TASOR: variants seen among roughly 807,000 people sequenced by gnomAD.
The protein encoded by TASOR is protein TASOR.
Under a neutral mutation model 178.6 loss-of-function variants are expected in TASOR, and 53 were observed. That is an observed-to-expected ratio of 0.30 (90% CI 0.24 to 0.37). TASOR has a LOEUF of 0.37. Ranked by LOEUF, TASOR falls within the 10% of genes least tolerant of loss-of-function variation. TASOR has a pLI of 1.00. For synonymous variants in TASOR, 713 were observed against 696.2 expected (o/e 1.02, Z -0.38); for missense variants, 1,815 against 1,971.4 (o/e 0.92, Z 1.50).
chr3:56,675,447 G>C (rs9840528), intron 1 of TASOR, among the ~76,000 whole-genome samples: 1 of 151,418 alleles, frequency 6.6e-6, no homozygotes, highest in East Asian at 1.9e-4. Context: ...AAAGTGCTGG[G>C]ATTACGGGCA....
chr3:56,646,526 A>G lies in TASOR; in HGVS notation c.2211T>C (p.Tyr737=). ...TSNLSENCHL[Y]EESPQPIGSL... ...AAGAGCAATCTGATATTTTACCTTC[A>G]TACAGATGGCAATTTTCAGATAAAT... Residue 737 remains tyrosine, a synonymous_variant, in exon 14 of 24, where the codon TAT becomes TAC. Coordinates refer to ENST00000683822, the MANE Select transcript of TASOR (RefSeq NM_001365635.2). 1 of 1,599,810 alleles carries G rather than the reference A, an allele frequency of 6.3e-7. No homozygotes were observed. The highest frequency in any genetic ancestry group is 1.1e-5 in the South Asian group (1 of 87,994).
intron 1 of TASOR, among the ~76,000 whole-genome samples, chr3:56,674,484 G>A (rs1294310478): frequency 1.3e-5 from 2 of 152,046 alleles, no homozygotes; most frequent in African/African-American, 4.8e-5. Flanking sequence ...ACTCCAGTCT[G>A]GGAGTGAGAG....
intron 11 of TASOR, among the ~76,000 whole-genome samples, chr3:56,654,222 G>C (rs1171969285): frequency 2.0e-5 from 3 of 151,988 alleles, no homozygotes; most frequent in Non-Finnish European, 4.4e-5. Flanking sequence ...AGCTGAGATT[G>C]TGCCACTGCA....
chr3:56,655,504 T>C (rs945062321), intron 11 of TASOR, among the ~76,000 whole-genome samples: 5 of 152,116 alleles, frequency 3.3e-5, no homozygotes, highest in African/African-American at 1.2e-4. Flanking sequence ...TGGTGGTTCA[T>C]GCCTATAATA....
intron 11 of TASOR, 28 bp downstream of exon 11, chr3:56,660,703 G>C (rs1197452142): frequency 1.3e-6 from 2 of 1,537,822 alleles, no homozygotes; most frequent in African/African-American, 1.4e-5. Flanking sequence ...AACAAAGAAT[G>C]AGAAACATTA....
intron 1 of TASOR, 32 bp downstream of exon 1, chr3:56,682,644 G>A (rs1408737196): frequency 4.2e-6 from 6 of 1,432,728 alleles, no homozygotes; most frequent in South Asian, 1.5e-5. Flanking sequence ...AGGGGAGAGA[G>A]AGAGGGGGTT....
chr3:56,634,052 GT>G (rs2076969639), intron 17 of TASOR, 86 bp from the exon 18 acceptor site: 2 of 1,068,036 alleles, frequency 1.9e-6, no homozygotes, highest in East Asian at 2.6e-5. Flanking sequence ...GGAAAAAAGG[GT>G]TAACACACAT....
chr3:56,662,444 T>C lies in TASOR; in HGVS notation c.1101A>G (p.Gly367=). The C allele has an allele frequency of 6.5e-7, 1 of 1,547,866 alleles. No homozygotes were observed. The highest frequency in any genetic ancestry group is 8.7e-7 in the Non-Finnish European group (1 of 1,145,186). The change falls in exon 9 of 24, where the codon GGA becomes GGG. Residue 367 remains glycine (G), a synonymous_variant. Transcript: ENST00000683822. Reference sequence around the variant, plus strand: ...TCAGAGAAATATAACACAAAAGTTTTCCTTTATTTAAAAGCTGTCCTTTCC... The same window carrying C: ...TCAGAGAAATATAACACAAAAGTTTCCCTTTATTTAAAAGCTGTCCTTTCC... ...TLWKGQLLNK[G]KLLCYISLRS...
chr3:56,662,605 G>C, intron 8 of TASOR, 115 bp from the exon 9 acceptor site: 1 of 451,626 alleles, frequency 2.2e-6, no homozygotes. Flanking sequence ...AAGTAGGAGG[G>C]CAAAAAAAAA....
chr3:56,634,056 A>C, intron 17 of TASOR, 90 bp from the exon 18 acceptor site: 1 of 1,020,108 alleles, frequency 9.8e-7, no homozygotes, highest in Non-Finnish European at 1.4e-6. Flanking sequence ...AAAAGGGTTA[A>C]CACACATTTA....
At chr3:56,668,252 A>G (rs1489707456) in intron 6 of TASOR, 145 bp downstream of exon 6, 1 of 707,468 alleles carries the variant, frequency 1.4e-6, no homozygotes, top group Non-Finnish European at 2.3e-6. Flanking sequence ...AACAGCAGCA[A>G]CAGACACTGG....
At position 56,627,124 on chromosome 3, in the gene TASOR, G is replaced by A. The variant is rs754215958; in HGVS notation, c.4052C>T (p.Thr1351Ile). The part of the protein sequence containing the change: ...VTVENLKNFL[T>I]FLEELSTPEG... ...TGGAGTACTAAGTTCCTCAAGGAATGTCAAAAAATTTTTAAGGTTCTCTGT... is the reference window on the plus strand; with the variant it reads ...TGGAGTACTAAGTTCCTCAAGGAATATCAAAAAATTTTTAAGGTTCTCTGT... Residue 1351 changes from threonine to isoleucine, a missense_variant, in exon 21 of 24, where the codon ACA becomes ATA. This residue lies in a region of TASOR where 134 missense variants were observed against 195.2 expected (regional missense o/e 0.69). Transcript: ENST00000683822. 6.2e-7 allele frequency: 1 copy of A among 1,608,626 alleles called. No homozygotes were observed. The highest frequency in any genetic ancestry group is 1.1e-5 in the South Asian group (1 of 90,254).
At chr3:56,657,008 CAA>C (rs1185552497) in intron 11 of TASOR, among the ~76,000 whole-genome samples, 18 of 123,084 alleles carry the variant, frequency 1.5e-4, no homozygotes, top group Admixed American at 1.7e-4. Flanking sequence ...GAAACACCGT[CAA>C]AAAAAAAAAA....
At position 56,633,132 on chromosome 3, in the gene TASOR, A is replaced by G; in HGVS notation, c.3659T>C (p.Leu1220Ser). The part of the protein sequence containing the change: ...SQLEPEVFNS[L>S]VKIMKDVQKN... Reference sequence around the variant, plus strand: ...CTGGACGTCTTTCATGATTTTAACCAAACTATTAAATACTTCAGGTTCTAA... The same window carrying G: ...CTGGACGTCTTTCATGATTTTAACCGAACTATTAAATACTTCAGGTTCTAA... The change falls in exon 18 of 24, where the codon TTG becomes TCG. Residue 1220 changes from leucine (L) to serine (S), a missense_variant. Physicochemically the swap from Leu to Ser is moderately radical, Grantham distance 145. Transcript: ENST00000683822. 1 of 1,613,530 alleles carries G rather than the reference A, an allele frequency of 6.2e-7. No individual in the cohort carries two copies. The highest frequency in any genetic ancestry group is 8.5e-7 in the Non-Finnish European group (1 of 1,179,854).
chr3:56,638,156 G>A (rs549321648), intron 17 of TASOR, among the ~76,000 whole-genome samples: 7 of 152,092 alleles, frequency 4.6e-5, no homozygotes, highest in Non-Finnish European at 7.4e-5. Flanking sequence ...CCTGAGGTCA[G>A]GAGTTTGAGA....
At chr3:56,626,198 A>G (rs1400700261) in intron 21 of TASOR, among the ~76,000 whole-genome samples, 2 of 152,144 alleles carry the variant, frequency 1.3e-5, no homozygotes, top group Non-Finnish European at 2.9e-5. Context: ...TAGTGTCCCA[A>G]ACATGCCTGA....
At position 56,648,184 on chromosome 3, in the gene TASOR, GCAACAGAGTGAGACTCTATCTC is replaced by G. The variant is rs368320167; in HGVS notation, c.1513+616_1513+637del. Among the ~76,000 whole-genome samples, 8 of 152,124 alleles carry G rather than the reference GCAACAGAGTGAGACTCTATCTC, an allele frequency of 5.3e-5. No homozygotes were observed. The East Asian group carries it at 9.7e-4, about 18-fold the overall frequency. On this transcript the variant is annotated intron_variant, in intron 13 of 23. Transcript: ENST00000683822. ...GAGCCATGATCGCACCACTGCCTGG[GCAACAGAGTGAGACTCTATCTC>G]CAACAGAGTGAGACTCTATCTCTAA...
Position 56,629,309 on chromosome 3 carries a change from C to T in TASOR, c.3748-695G>A, listed in dbSNP as rs1179094697. The stretch of plus-strand genomic sequence containing the variant: ...TTAGACTCTAGGTTGACTATAATAT[C>T]CTATGAGAAACACTTTAAGGCAACC... On this transcript the variant is annotated intron_variant, in intron 18 of 23. Coordinates refer to ENST00000683822, the MANE Select transcript of TASOR (RefSeq NM_001365635.2). 2.0e-5 allele frequency among the ~76,000 whole-genome samples: 3 copies of T among 152,158 alleles called. No homozygotes were observed. In the East Asian group the frequency reaches 5.8e-4, roughly 30 times the overall value.
At position 56,633,284 on chromosome 3, in the gene TASOR, C is replaced by T; in HGVS notation, c.3507G>A (p.Glu1169=). Residue 1169 remains glutamate, a synonymous_variant, in exon 18 of 24, where the codon GAG becomes GAA. Coordinates refer to ENST00000683822, the MANE Select transcript of TASOR (RefSeq NM_001365635.2). The part of the protein sequence containing the change: ...VEMNQPQHAT[E]LMVTSDHIVP... Reference sequence around the variant, plus strand: ...CAATATGATCAGAAGTCACCATTAACTCTGTGGCATGTTGAGGCTGGTTCA... The same window carrying T: ...CAATATGATCAGAAGTCACCATTAATTCTGTGGCATGTTGAGGCTGGTTCA... 2 of 1,614,190 alleles carry T rather than the reference C, an allele frequency of 1.2e-6. No individual in the cohort carries two copies. Among genetic ancestry groups the T allele is most frequent in the Non-Finnish European group, 1.7e-6 (2 of 1,180,034 alleles).
Sources: allele counts gnomAD v4.1 joint callset (sites outside exome capture counted in the v4.1 genomes callset), GRCh38; gene constraint gnomAD v4.1.1; regional missense constraint gnomAD v4.1.1; transcripts MANE v1.5; gene names NCBI Gene and HGNC (gene_info 2026-07-23, HGNC 2026-07-21).